The following CD47 variants were observed in gnomAD, a reference collection of about 807,000 sequenced individuals.
The protein encoded by CD47 is CD47 molecule.
A neutral mutation model predicts 44.6 loss-of-function variants in CD47; 11 were observed. The observed-to-expected ratio is 0.25, with a 90% CI of 0.16 to 0.41. The LOEUF (loss-of-function observed/expected upper bound fraction) is 0.41. Among genes scored for constraint, CD47 ranks in the 10% least tolerant of loss-of-function variants. CD47 has a pLI of 1.00. For synonymous variants in CD47, 140 were observed against 136.3 expected (o/e 1.03, Z -0.19); for missense variants, 306 against 386.7 (o/e 0.79, Z 1.75).
rs1026157692 is a variant in CD47, at chr3:108,075,797, A to T, written c.400+4194T>A. 5.9e-5 allele frequency among the ~76,000 whole-genome samples: 9 copies of T among 152,292 alleles called. No individual in the cohort carries two copies. In the South Asian group the frequency reaches 1.0e-3, roughly 18 times the overall value. On this transcript the variant is annotated intron_variant, in intron 2 of 10. Coordinates refer to ENST00000361309, the MANE Select transcript of CD47 (RefSeq NM_001777.4). ...GAGAGATTATTTTTGAGGGAGAGAGAGCTGACCTAACCAAGTGGTCTCTTA... is the reference window on the plus strand; with the variant it reads ...GAGAGATTATTTTTGAGGGAGAGAGTGCTGACCTAACCAAGTGGTCTCTTA...
At chr3:108,049,515 GT>G in intron 10 of CD47, 103 bp downstream of exon 10, 4 of 743,898 alleles carry the variant, frequency 5.4e-6, no homozygotes, top group Non-Finnish European at 9.7e-6. Context: ...TCATCTGACA[GT>G]GTCCCTTTTA....
At chr3:108,077,129 C>T (rs982365416) in intron 2 of CD47, among the ~76,000 whole-genome samples, 3 of 152,110 alleles carry the variant, frequency 2.0e-5, no homozygotes, top group African/African-American at 7.2e-5. Flanking sequence ...CTATTATCTG[C>T]ATTCTATTAA....
At chr3:108,059,739 C>A (rs911999334) in intron 4 of CD47, among the ~76,000 whole-genome samples, 195 bp from the exon 5 acceptor site, 1 of 152,214 alleles carries the variant, frequency 6.6e-6, no homozygotes, top group Non-Finnish European at 1.5e-5. Context: ...TTTCAACATG[C>A]TGAAACCTTG....
rs202015923 is a variant in CD47 at position 108,090,992 on chromosome 3, G to A, written c.-84C>T. ...GCCGCCGTTACAGGCAGGACCGACC[G>A]CCGCCGCGCGTCACAGGCAGGACCC... On this transcript the variant is annotated 5_prime_UTR_variant, in exon 1 of 11. Transcript: ENST00000361309. The A allele has an allele frequency of 6.1e-6, 6 of 977,640 alleles. No individual in the cohort carries two copies. The highest frequency in any genetic ancestry group is 3.5e-5 in the East Asian group (1 of 28,800). 60.6% of individuals were successfully genotyped at this position (977,640 alleles called of 1,614,324 possible).
rs201431921 is a variant in CD47, at chr3:108,058,338, C to T, written c.783G>A (p.Ala261=). ...GGTCTACAGAAAGATGACTCTTACC[C>T]GCAATACAGAGACTCAGTCCAACCA... The part of the protein sequence containing the change: ...LAVVGLSLCI[A]ACIPMHGPLL... The change falls in exon 6 of 11, where the codon GCG becomes GCA. Residue 261 remains alanine (A), a splice_region_variant and synonymous_variant. Transcript: ENST00000361309. 1 of 1,545,446 alleles carries T rather than the reference C, an allele frequency of 6.5e-7. No homozygotes were observed. Among genetic ancestry groups the T allele is most frequent in the Non-Finnish European group, 8.8e-7 (1 of 1,140,462 alleles).
intron 10 of CD47, among the ~76,000 whole-genome samples, chr3:108,048,741 T>G (rs2078767792): frequency 6.6e-6 from 1 of 152,164 alleles, no homozygotes; most frequent in African/African-American, 2.4e-5. Context: ...GAATATAGCT[T>G]CCTGAGTTAA....
intron 2 of CD47, among the ~76,000 whole-genome samples, chr3:108,071,787 A>G (rs1360337257): frequency 6.6e-6 from 1 of 152,230 alleles, no homozygotes; most frequent in African/African-American, 2.4e-5. Flanking sequence ...CTGTAAAGAC[A>G]GACTCAGGGA....
chr3:108,046,918 T>C lies in CD47; in HGVS notation c.*370A>G, dbSNP rs1259093271. 5.3e-6 allele frequency: 1 copy of C among 190,420 alleles called. No homozygotes were observed. The highest frequency in any genetic ancestry group is 1.1e-5 in the Non-Finnish European group (1 of 93,952). The allele number at this position is 190,420 out of a possible 1,614,324, so 11.8% of individuals were successfully genotyped here. A position where few individuals can be genotyped will look rare whatever the true frequency, so the allele number is the denominator to read the frequency against. On this transcript the variant is annotated 3_prime_UTR_variant, in exon 11 of 11. Coordinates refer to ENST00000361309, the MANE Select transcript of CD47 (RefSeq NM_001777.4). ...TATCTCTGGGTAATCACCAGGGCAG[T>C]GCTAAGTAGTTATCACCCTGAACCA... is the stretch of plus-strand genomic sequence containing the variant.
At chr3:108,069,870 C>A (rs2079167696) in intron 3 of CD47, among the ~76,000 whole-genome samples, 2 of 152,142 alleles carry the variant, frequency 1.3e-5, no homozygotes, top group Admixed American at 1.3e-4. Context: ...GGTCTTAATG[C>A]TACACCAGTC....
In CD47 at chr3:108,091,005, A is replaced by G. The variant is rs1031409304; in HGVS notation, c.-97T>C. On this transcript the variant is annotated 5_prime_UTR_variant, in exon 1 of 11. Coordinates refer to ENST00000361309, the MANE Select transcript of CD47 (RefSeq NM_001777.4). ...GCAGGACCGACCGCCGCCGCGCGTC[A>G]CAGGCAGGACCCACTGCCCAGGCTG... 204 of 838,056 alleles carry G rather than the reference A, an allele frequency of 2.4e-4. 1 individual carries two copies. The highest frequency in any genetic ancestry group is 6.0e-4 in the Admixed American group (14 of 23,520). The allele number at this position is 838,056 out of a possible 1,614,324, so 51.9% of individuals were successfully genotyped here.
chr3:108,065,486 A>G lies in CD47; in HGVS notation c.491-4634T>C, dbSNP rs143265443. 2.2e-3 allele frequency among the ~76,000 whole-genome samples: 337 copies of G among 152,260 alleles called. 3 individuals are homozygous for G. The highest frequency in any genetic ancestry group is 5.4e-3 in the Admixed American group (82 of 15,286). On this transcript the variant is annotated intron_variant, in intron 3 of 10. Transcript: ENST00000361309. ...ATCATTATATGGACAGGACCAAGGGAAAGCACTGGGAGTTCAAGATTATTG... is the reference window on the plus strand; with the variant it reads ...ATCATTATATGGACAGGACCAAGGGGAAGCACTGGGAGTTCAAGATTATTG...
chr3:108,085,579 T>C lies in CD47; in HGVS notation c.47-5235A>G, dbSNP rs575842998. Among the ~76,000 whole-genome samples the C allele has an allele frequency of 1.1e-3, 168 of 152,286 alleles. 1 individual carries two copies. Among genetic ancestry groups the C allele is most frequent in the Admixed American group, 1.0e-3 (16 of 15,290 alleles). On this transcript the variant is annotated intron_variant, in intron 1 of 10. Coordinates refer to ENST00000361309, the MANE Select transcript of CD47 (RefSeq NM_001777.4). Reference sequence around the variant, plus strand: ...GTTCCCCTTCCCTACCATTACTCAATTGTATTCTTCCCCTCCTTATTGCTC... The same window carrying C: ...GTTCCCCTTCCCTACCATTACTCAACTGTATTCTTCCCCTCCTTATTGCTC...
chr3:108,074,351 T>A (rs968889832), intron 2 of CD47, among the ~76,000 whole-genome samples: 1 of 152,056 alleles, frequency 6.6e-6, no homozygotes, highest in African/African-American at 2.4e-5. Context: ...TCTCACTCTG[T>A]TGCCCAGGCT....
At chr3:108,088,802 T>C (rs1175649423) in intron 1 of CD47, among the ~76,000 whole-genome samples, 2 of 152,208 alleles carry the variant, frequency 1.3e-5, no homozygotes, top group East Asian at 3.8e-4. Context: ...GAATGCAACA[T>C]AGTAATTCAT....
intron 7 of CD47, chr3:108,052,261 G>T: frequency 3.5e-6 from 1 of 283,820 alleles, no homozygotes; most frequent in Non-Finnish European, 6.8e-6. Flanking sequence ...ACTGGCTGGT[G>T]GGAAAATGCT....
intron 1 of CD47, among the ~76,000 whole-genome samples, chr3:108,083,013 T>C (rs939675466): frequency 2.0e-5 from 3 of 152,046 alleles, no homozygotes; most frequent in African/African-American, 7.2e-5. Context: ...TGGGGTTTTT[T>C]CCTTTTGCCT....
intron 1 of CD47, 73 bp downstream of exon 1, chr3:108,090,790 C>A: frequency 7.4e-7 from 1 of 1,350,286 alleles, no homozygotes; most frequent in Non-Finnish European, 9.7e-7. Context: ...GCCGGGCTGG[C>A]TGGGGCGCAG....
At chr3:108,058,886 T>C (rs75035086) in intron 5 of CD47, among the ~76,000 whole-genome samples, 2,049 of 152,334 alleles carry the variant, frequency 0.013, 17 homozygotes, top group Non-Finnish European at 0.021. Flanking sequence ...AGATAGGCTC[T>C]AAGACCAAGT....
At chr3:108,086,021 G>T (rs765735866) in intron 1 of CD47, among the ~76,000 whole-genome samples, 1 of 152,068 alleles carries the variant, frequency 6.6e-6, no homozygotes. Flanking sequence ...TTTAAACTGG[G>T]TCTTAAAGGA....
Sources: gnomAD v4.1 joint callset for allele counts (sites outside exome capture counted in the v4.1 genomes callset) on GRCh38, gnomAD v4.1.1 for gene constraint, MANE v1.5 for transcripts, NCBI Gene and HGNC (gene_info 2026-07-23, HGNC 2026-07-21) for gene names.